Variants in ULK4 observed in about 807,000 individuals in gnomAD.
The protein encoded by ULK4 is unc-51 like kinase 4.
ULK4 carries 133 observed loss-of-function variants against 160.6 expected under a neutral mutation model. The observed-to-expected ratio is 0.83, with a 90% CI of 0.72 to 0.96. The LOEUF (loss-of-function observed/expected upper bound fraction) is 0.96, where lower values mean the gene tolerates loss of function less well. Ranked by LOEUF, ULK4 falls within the 40% of genes least tolerant of loss-of-function variation. The pLI, the probability that ULK4 is intolerant of heterozygous loss-of-function variation, is 0.00. For missense variants in ULK4, 1,580 were observed against 1,499.5 expected (o/e 1.05, Z -0.89); for synonymous variants, 534 against 539.8 (o/e 0.99, Z 0.15).
intron 35 of ULK4, among the ~76,000 whole-genome samples, chr3:41,366,380 A>C (rs747401884): frequency 6.6e-6 from 1 of 152,190 alleles, no homozygotes; most frequent in Non-Finnish European, 1.5e-5. Context: ...GATATTGGAA[A>C]TATAATTCCC....
chr3:41,950,095 T>C (rs1427482451), intron 2 of ULK4, among the ~76,000 whole-genome samples: 1 of 151,776 alleles, frequency 6.6e-6, no homozygotes, highest in Admixed American at 6.6e-5. Context: ...ATTTTTCTTT[T>C]TTTTTTTTTG....
chr3:41,272,407 C>G (rs1447062649), intron 35 of ULK4, among the ~76,000 whole-genome samples: 2 of 148,672 alleles, frequency 1.3e-5, no homozygotes, highest in African/African-American at 2.5e-5. Context: ...TTCTTCCCCC[C>G]TCACCCCGCT....
At chr3:41,827,547 A>G (rs758533731) in intron 18 of ULK4, among the ~76,000 whole-genome samples, 2 of 152,122 alleles carry the variant, frequency 1.3e-5, no homozygotes, top group Non-Finnish European at 2.9e-5. Context: ...TAGAAAATCT[A>G]GAATAAATGG....
intron 35 of ULK4, among the ~76,000 whole-genome samples, chr3:41,266,103 C>A (rs547625010): frequency 1.3e-5 from 2 of 152,350 alleles, no homozygotes; most frequent in African/African-American, 4.8e-5. Context: ...AGGGCAACAT[C>A]AAAGAGCCCG....
At chr3:41,323,351 G>C (rs2125732730) in intron 35 of ULK4, among the ~76,000 whole-genome samples, 1 of 143,890 alleles carries the variant, frequency 6.9e-6, no homozygotes, top group African/African-American at 2.6e-5. Flanking sequence ...TATTGAAGGG[G>C]AAGGAAAAAA....
intron 35 of ULK4, among the ~76,000 whole-genome samples, chr3:41,302,071 A>C (rs2079811786): frequency 6.6e-6 from 1 of 152,216 alleles, no homozygotes; most frequent in Admixed American, 6.5e-5. Flanking sequence ...AAAACTACTT[A>C]CATACAAGCA....
At chr3:41,491,965 A>C (rs1002389431) in intron 32 of ULK4, among the ~76,000 whole-genome samples, 20 of 148,684 alleles carry the variant, frequency 1.3e-4, no homozygotes, top group African/African-American at 5.0e-4. Flanking sequence ...CCCATCTATG[A>C]ATGAGAACAT....
intron 31 of ULK4, among the ~76,000 whole-genome samples, chr3:41,569,193 A>G (rs938973595): frequency 1.3e-5 from 2 of 152,092 alleles, no homozygotes; most frequent in Non-Finnish European, 2.9e-5. Flanking sequence ...GTTTTTATGG[A>G]AGTTTTGTTA....
At chr3:41,629,003 T>TTA (rs1258000068) in intron 30 of ULK4, among the ~76,000 whole-genome samples, 1 of 152,232 alleles carries the variant, frequency 6.6e-6, no homozygotes, top group African/African-American at 2.4e-5. Flanking sequence ...AAGTGACACT[T>TTA]TCTATGTGCC....
chr3:41,942,368 A>T (rs1717021), intron 2 of ULK4, among the ~76,000 whole-genome samples: 103,411 of 151,606 alleles, frequency 0.68, 38,908 homozygotes, highest in East Asian at 0.83. Flanking sequence ...AAAATACAAA[A>T]ATTAGGCAGG....
intron 31 of ULK4, among the ~76,000 whole-genome samples, chr3:41,594,375 G>A (rs908001806): frequency 6.6e-6 from 1 of 151,758 alleles, no homozygotes; most frequent in Non-Finnish European, 1.5e-5. Context: ...CCATCTCTAT[G>A]AAAACATTTT....
intron 36 of ULK4, among the ~76,000 whole-genome samples, chr3:41,248,573 AC>A (rs1417962370): frequency 6.6e-6 from 1 of 152,194 alleles, no homozygotes; most frequent in Non-Finnish European, 1.5e-5. Context: ...CTGCAAACTC[AC>A]CTTCTTAGCA....
chr3:41,768,379 A>C (rs1252716455), intron 21 of ULK4, among the ~76,000 whole-genome samples: 1 of 152,190 alleles, frequency 6.6e-6, no homozygotes, highest in African/African-American at 2.4e-5. Flanking sequence ...GAAAAACACT[A>C]ATGAAGTATA....
At chr3:41,254,287 T>A (rs1233232358) in intron 35 of ULK4, among the ~76,000 whole-genome samples, 1 of 152,106 alleles carries the variant, frequency 6.6e-6, no homozygotes, top group African/African-American at 2.4e-5. Flanking sequence ...TGAAACCATA[T>A]AAAATATATT....
intron 17 of ULK4, among the ~76,000 whole-genome samples, chr3:41,867,397 G>C (rs1028125233): frequency 1.1e-4 from 16 of 152,096 alleles, no homozygotes; most frequent in Non-Finnish European, 1.6e-4. Context: ...GTTGTTTTGG[G>C]GGGGCAAGGT....
In ULK4 at chr3:41,804,773, G is replaced by C. The variant is rs565473571; in HGVS notation, c.1849-4480C>G. Among the ~76,000 whole-genome samples, 91 of 152,270 alleles carry C rather than the reference G, an allele frequency of 6.0e-4. No individual in the cohort carries two copies. The South Asian group carries it at 0.012, about 19-fold the overall frequency. ...CCCATTGCTTGTTTTTGTCAGGTTT[G>C]TCAAAGATCAGATCGTTGTAGATAT... is the stretch of plus-strand genomic sequence containing the variant. On this transcript the variant is annotated intron_variant, in intron 19 of 36. Transcript: ENST00000301831.
rs565646101 is a variant in ULK4 at position 41,664,258 on chromosome 3, A to G, written c.2979-559T>C. 1.0e-3 allele frequency among the ~76,000 whole-genome samples: 159 copies of G among 152,348 alleles called. 2 individuals carry two copies. Among genetic ancestry groups the G allele is most frequent in the Middle Eastern group, 3.4e-3 (1 of 294 alleles). The stretch of plus-strand genomic sequence containing the variant: ...TGAAGGTCTCCAAGAACACCCTCAC[A>G]TTCAGAGACTCGCTAGAGAATTCAC... On this transcript the variant is annotated intron_variant, in intron 29 of 36. Coordinates refer to ENST00000301831, the MANE Select transcript of ULK4 (RefSeq NM_017886.4).
intron 22 of ULK4, among the ~76,000 whole-genome samples, chr3:41,721,353 TATATATA>T (rs1387830813): frequency 7.5e-5 from 5 of 66,390 alleles, no homozygotes; most frequent in African/African-American, 3.8e-4. Flanking sequence ...TATATATATA[TATATATA>T]TATTTTTTTT....
intron 19 of ULK4, among the ~76,000 whole-genome samples, chr3:41,811,157 G>C (rs1401545872): frequency 6.6e-6 from 1 of 151,976 alleles, no homozygotes; most frequent in East Asian, 1.9e-4. Flanking sequence ...ATAGTGCTGG[G>C]ATTACAGGTA....
Sources: allele counts gnomAD v4.1 joint callset (sites outside exome capture counted in the v4.1 genomes callset), GRCh38; gene constraint gnomAD v4.1.1; transcripts MANE v1.5; gene names NCBI Gene and HGNC (gene_info 2026-07-23, HGNC 2026-07-21).